Variants in PACRG observed in about 807,000 individuals in gnomAD.
PACRG encodes the protein parkin coregulated gene protein.
Under a neutral mutation model 29.7 loss-of-function variants are expected in PACRG, and 29 were observed. The observed-to-expected ratio is 0.98, with a 90% CI of 0.73 to 1.33. PACRG has a LOEUF of 1.33. Among genes scored for constraint, PACRG ranks in the 40% most tolerant of loss-of-function variants. The pLI, the probability that PACRG is intolerant of heterozygous loss-of-function variation, is 0.00. For synonymous variants in PACRG, 116 were observed against 118.7 expected, an observed-to-expected ratio of 0.98 and a Z score of 0.15; for missense variants, 279 against 316.2, an observed-to-expected ratio of 0.88 and a Z score of 0.89.
At chr6:163,254,758 C>T (rs1327113282) in intron 4 of PACRG, among the ~76,000 whole-genome samples, 1 of 152,204 alleles carries the variant, frequency 6.6e-6, no homozygotes, top group Non-Finnish European at 1.5e-5. Context: ...CCTCCTCACT[C>T]CCTTCTCTCG....
At chr6:162,970,006 C>T (rs1324475791) in intron 2 of PACRG, among the ~76,000 whole-genome samples, 4 of 152,080 alleles carry the variant, frequency 2.6e-5, no homozygotes, top group South Asian at 2.1e-4. Context: ...GCTGATAGGC[C>T]GGGTGCAGTA....
chr6:163,144,460 G>A (rs1777714619), intron 4 of PACRG, among the ~76,000 whole-genome samples: 1 of 151,958 alleles, frequency 6.6e-6, no homozygotes, highest in African/African-American at 2.4e-5. Context: ...AATAAAAATT[G>A]TAAAGGATGA....
intron 2 of PACRG, chr6:162,891,859 C>T (rs1209118873): frequency 2.0e-5 from 3 of 152,386 alleles, no homozygotes; most frequent in Admixed American, 2.0e-4. Flanking sequence ...AACCACCAGG[C>T]TGCCTGAGTT....
chr6:163,071,662 G>C (rs1289961799), intron 3 of PACRG, among the ~76,000 whole-genome samples: 1 of 145,564 alleles, frequency 6.9e-6, no homozygotes, highest in Non-Finnish European at 1.5e-5. Context: ...CCCAAAATTA[G>C]TAGGAGAAAA....
At chr6:163,190,898 GCA>G (rs905743444) in intron 4 of PACRG, 1 of 454,736 alleles carries the variant, frequency 2.2e-6, no homozygotes, top group African/African-American at 2.0e-5. Flanking sequence ...ACAGCTCCAA[GCA>G]CACTCACCCA....
intron 1 of PACRG, among the ~76,000 whole-genome samples, chr6:162,731,048 A>T (rs1779729383): frequency 6.6e-6 from 1 of 152,180 alleles, no homozygotes; most frequent in Admixed American, 6.5e-5. Flanking sequence ...AGTTCAGCCT[A>T]AGCTTTCTAT....
intron 1 of PACRG, among the ~76,000 whole-genome samples, chr6:162,801,645 C>G (rs1785886195): frequency 6.6e-6 from 1 of 152,048 alleles, no homozygotes; most frequent in Non-Finnish European, 1.5e-5. Context: ...TCCTTTAAGT[C>G]TAACAGAAAC....
chr6:163,126,053 G>A (rs571434205), intron 4 of PACRG, among the ~76,000 whole-genome samples: 32 of 152,272 alleles, frequency 2.1e-4, no homozygotes, highest in South Asian at 2.1e-4. Flanking sequence ...GTGTCTGTAC[G>A]TGTGTATATA....
chr6:162,743,947 C>T (rs1780792083), intron 1 of PACRG, among the ~76,000 whole-genome samples: 1 of 152,028 alleles, frequency 6.6e-6, no homozygotes, highest in Non-Finnish European at 1.5e-5. Flanking sequence ...TTTTGAAATA[C>T]TTTTGTTTGT....
chr6:162,920,291 T>C (rs1412663541), intron 2 of PACRG, among the ~76,000 whole-genome samples: 9 of 152,198 alleles, frequency 5.9e-5, no homozygotes. Context: ...GAAGCCTGAA[T>C]GCTTTTGTCT....
At chr6:163,134,057 C>T (rs1335136459) in intron 4 of PACRG, among the ~76,000 whole-genome samples, 2 of 152,166 alleles carry the variant, frequency 1.3e-5, no homozygotes, top group Non-Finnish European at 1.5e-5. Context: ...TCTTGAGACT[C>T]GCACATTCTA....
chr6:162,760,256 C>T (rs62429159), intron 1 of PACRG, among the ~76,000 whole-genome samples: 35,086 of 152,038 alleles, frequency 0.23, 4,623 homozygotes, highest in Admixed American at 0.34. Flanking sequence ...ACACAGGAGT[C>T]CCTGGGATCT....
At chr6:163,065,591 CAG>C (rs2128270552) in intron 3 of PACRG, among the ~76,000 whole-genome samples, 1 of 152,246 alleles carries the variant, frequency 6.6e-6, no homozygotes, top group Admixed American at 6.5e-5. Flanking sequence ...TCTCTACACA[CAG>C]GGAAGGAAGT....
Position 163,089,201 on chromosome 6 carries a change from G to A in PACRG, c.464-58G>A, listed in dbSNP as rs1813868953. On this transcript the variant is annotated intron_variant, in intron 3 of 4. Coordinates refer to ENST00000366888, the MANE Select transcript of PACRG (RefSeq NM_001080379.2). ...CACAAGACAACTTTACCTTAACCTT[G>A]TAGACCTGATGCTTTCTATTAAAAT... is the stretch of plus-strand genomic sequence containing the variant. 3 of 1,557,930 alleles carry A rather than the reference G, an allele frequency of 1.9e-6. No homozygotes were observed. The African/African-American group carries it at 4.1e-5, about 21-fold the overall frequency.
At chr6:162,798,161 C>T (rs548769563) in intron 1 of PACRG, among the ~76,000 whole-genome samples, 132 of 152,252 alleles carry the variant, frequency 8.7e-4, no homozygotes, top group African/African-American at 3.1e-3. Flanking sequence ...GCTTCTGGGT[C>T]TAGGCTTCTT....
intron 4 of PACRG, among the ~76,000 whole-genome samples, chr6:163,228,989 T>G (rs1271231760): frequency 1.3e-5 from 2 of 152,228 alleles, no homozygotes; most frequent in East Asian, 3.8e-4. Flanking sequence ...AAGTAGAATC[T>G]CCTTCTGATG....
chr6:162,741,819 A>G (rs1029673898), intron 1 of PACRG, among the ~76,000 whole-genome samples: 7 of 152,248 alleles, frequency 4.6e-5, no homozygotes, highest in Non-Finnish European at 8.8e-5. Flanking sequence ...TCCTTTGGAA[A>G]GAAAACTAAA....
At chr6:162,988,172 C>T (rs1447882630) in intron 2 of PACRG, among the ~76,000 whole-genome samples, 1 of 152,162 alleles carries the variant, frequency 6.6e-6, no homozygotes, top group African/African-American at 2.4e-5. Context: ...TCTCTCCATC[C>T]AAGTGGGAGC....
chr6:162,884,305 G>A (rs1282459515), intron 2 of PACRG, among the ~76,000 whole-genome samples: 1 of 152,026 alleles, frequency 6.6e-6, no homozygotes, highest in Non-Finnish European at 1.5e-5. Context: ...TTTTCAAACT[G>A]TAACAAATCA....
Sources: allele counts gnomAD v4.1 joint callset (sites outside exome capture counted in the v4.1 genomes callset), GRCh38; gene constraint gnomAD v4.1.1; transcripts MANE v1.5; gene names NCBI Gene and HGNC (gene_info 2026-07-23, HGNC 2026-07-21).